Variants in TXLNB observed in about 807,000 individuals in gnomAD.
TXLNB encodes the protein beta-taxilin.
A neutral mutation model predicts 57.4 loss-of-function variants in TXLNB; 37 were observed. The ratio of observed to expected loss-of-function variants is 0.64; its 90% CI spans 0.50 to 0.85. The LOEUF is 0.85. TXLNB is among the 40% of genes least tolerant of loss of function. The pLI is 0.00. For synonymous variants in TXLNB, 302 were observed against 309.6 expected, an observed-to-expected ratio of 0.98 and a Z score of 0.26; for missense variants, 848 against 825.6, an observed-to-expected ratio of 1.03 and a Z score of -0.33.
intron 2 of TXLNB, chr6:139,287,415 T>C (rs958378817): frequency 6.6e-6 from 1 of 152,238 alleles, no homozygotes; most frequent in South Asian, 2.1e-4. Context: ...GTTTGTGATA[T>C]ATTTGGGTTT....
intron 1 of TXLNB, among the ~76,000 whole-genome samples, chr6:139,290,040 T>A (rs1362111607): frequency 1.3e-5 from 2 of 152,334 alleles, no homozygotes; most frequent in East Asian, 3.9e-4. Context: ...ACTGGCATCA[T>A]TTTTAGATTA....
the TXLNB span, among the ~76,000 whole-genome samples, chr6:139,187,431 CT>C: frequency 9.2e-4 from 87 of 94,242 alleles, no homozygotes; most frequent in African/African-American, 2.6e-3. Context: ...AAATCTTTTG[CT>C]TTTTTTTCCC....
intron 4 of TXLNB, among the ~76,000 whole-genome samples, chr6:139,263,846 T>C (rs1776547853): frequency 6.6e-6 from 1 of 152,214 alleles, no homozygotes; most frequent in African/African-American, 2.4e-5. Flanking sequence ...TATACTGAAT[T>C]TGATTGCCTA....
At chr6:139,225,508 T>TA in the TXLNB span, among the ~76,000 whole-genome samples, 1 of 152,132 alleles carries the variant, frequency 6.6e-6, no homozygotes, top group Admixed American at 6.5e-5. Flanking sequence ...CATAAAAAAA[T>TA]TATATTTTTG....
chr6:139,285,837 G>A (rs1777160012), intron 2 of TXLNB, among the ~76,000 whole-genome samples: 1 of 145,468 alleles, frequency 6.9e-6, no homozygotes, highest in African/African-American at 2.5e-5. Context: ...ACCAGTCATT[G>A]TGGGCTGCAT....
Position 139,247,923 on chromosome 6 carries a change from A to G in TXLNB, c.1078-14T>C, listed in dbSNP as rs547742213. 1 of 1,511,764 alleles carries G rather than the reference A, an allele frequency of 6.6e-7. No individual in the cohort carries two copies. The highest frequency in any genetic ancestry group is 1.2e-5 in the South Asian group (1 of 83,332). The allele number at this position is 1,511,764 out of a possible 1,614,324, so 93.6% of individuals were successfully genotyped here. A position where few individuals can be genotyped will look rare whatever the true frequency, so the allele number is the denominator to read the frequency against. ...GTAGAGAGTGAGCTGTAAACAGAGGAAAGAGTGGATCTTTCAGAATACTTC... is the reference window on the plus strand; with the variant it reads ...GTAGAGAGTGAGCTGTAAACAGAGGGAAGAGTGGATCTTTCAGAATACTTC... On this transcript the variant is annotated splice_polypyrimidine_tract_variant and intron_variant, in intron 7 of 9. Coordinates refer to ENST00000358430, the MANE Select transcript of TXLNB (RefSeq NM_153235.4).
At chr6:139,175,098 G>C in the TXLNB span, among the ~76,000 whole-genome samples, 1 of 152,158 alleles carries the variant, frequency 6.6e-6, no homozygotes, top group Non-Finnish European at 1.5e-5. Flanking sequence ...CTAAAAGGAG[G>C]CATTGTCTCA....
At chr6:139,294,380 AT>A (rs1408684320), upstream of TXLNB, among the ~76,000 whole-genome samples, 2 of 152,112 alleles carry the variant, frequency 1.3e-5, no homozygotes, top group Non-Finnish European at 2.9e-5. Flanking sequence ...TGGGGCTCTC[AT>A]TTGATACGGC....
At chr6:139,164,534 A>G in the TXLNB span, among the ~76,000 whole-genome samples, 2 of 152,088 alleles carry the variant, frequency 1.3e-5, no homozygotes, top group African/African-American at 4.8e-5. Flanking sequence ...TTGGCGATGT[A>G]GTTTTTAGCT....
chr6:139,166,327 G>A, the TXLNB span: 12 of 1,612,768 alleles, frequency 7.4e-6, no homozygotes, highest in East Asian at 2.2e-5. Context: ...TCGGTAGGCC[G>A]GTGGACCTGG....
At chr6:139,313,678 A>G in the TXLNB span, among the ~76,000 whole-genome samples, 2 of 152,160 alleles carry the variant, frequency 1.3e-5, no homozygotes, top group African/African-American at 2.4e-5. Flanking sequence ...TTAATTATCA[A>G]TTGAGCTGCT....
At chr6:139,275,236 G>A (rs1402798538) in intron 3 of TXLNB, among the ~76,000 whole-genome samples, 1 of 152,084 alleles carries the variant, frequency 6.6e-6, no homozygotes, top group African/African-American at 2.4e-5. Context: ...ACAGTGAGAG[G>A]AATTTAAATA....
At chr6:139,228,214 C>A in the TXLNB span, among the ~76,000 whole-genome samples, 1 of 151,988 alleles carries the variant, frequency 6.6e-6, no homozygotes, top group Non-Finnish European at 1.5e-5. Flanking sequence ...GCAACCATAC[C>A]CTCTTAAAAA....
intron 5 of TXLNB, among the ~76,000 whole-genome samples, chr6:139,262,082 AT>A (rs1776497569): frequency 2.0e-5 from 3 of 150,320 alleles, no homozygotes; most frequent in Non-Finnish European, 4.4e-5. Flanking sequence ...TTTTTTTTGT[AT>A]TTGTAGTAGA....
chr6:139,243,045 A>G lies in TXLNB; in HGVS notation c.1536T>C (p.His512=), dbSNP rs757212172. 3 of 1,614,134 alleles carry G rather than the reference A, an allele frequency of 1.9e-6. No individual in the cohort carries two copies. The highest frequency in any genetic ancestry group is 4.5e-5 in the East Asian group (2 of 44,872). ...NLATAFMIIH[H]PESTPHQSKE... ...TGGACTGGTGCGGGGTTGACTCTGGATGATGAATTATCATGAAGGCTGTGG... is the reference window on the plus strand; with the variant it reads ...TGGACTGGTGCGGGGTTGACTCTGGGTGATGAATTATCATGAAGGCTGTGG... The change falls in exon 10 of 10, where the codon CAT becomes CAC. Residue 512 remains histidine (H), a synonymous_variant. Coordinates refer to ENST00000358430, the MANE Select transcript of TXLNB (RefSeq NM_153235.4).
the TXLNB span, among the ~76,000 whole-genome samples, chr6:139,160,341 T>C: frequency 2.0e-5 from 3 of 152,244 alleles, no homozygotes; most frequent in South Asian, 2.1e-4. Context: ...CAAGGGAAGT[T>C]GGTGGCACAA....
chr6:139,295,004 C>T (rs1208866387), upstream of TXLNB, among the ~76,000 whole-genome samples: 2 of 151,924 alleles, frequency 1.3e-5, no homozygotes, highest in African/African-American at 2.4e-5. Context: ...AAAAAAAATT[C>T]CATTGTTTAT....
chr6:139,293,370 G>C (rs550236425), upstream of TXLNB, among the ~76,000 whole-genome samples: 1 of 152,062 alleles, frequency 6.6e-6, no homozygotes, highest in Non-Finnish European at 1.5e-5. Context: ...GATTATAAGC[G>C]TGAGCCATTG....
upstream of TXLNB, among the ~76,000 whole-genome samples, chr6:139,293,429 A>G (rs947414490): frequency 1.3e-5 from 2 of 152,038 alleles, no homozygotes; most frequent in African/African-American, 4.8e-5. Flanking sequence ...AGGCAGTAGG[A>G]TTGGAGGCAG....
Sources: gnomAD v4.1 joint callset for allele counts (sites outside exome capture counted in the v4.1 genomes callset) on GRCh38, gnomAD v4.1.1 for gene constraint, MANE v1.5 for transcripts, NCBI Gene and HGNC (gene_info 2026-07-23, HGNC 2026-07-21) for gene names.